Variants in E2F3 observed in about 807,000 individuals in gnomAD.
E2F3 encodes the protein E2F transcription factor 3.
Under a neutral mutation model 44.4 loss-of-function variants are expected in E2F3, and 11 were observed. The ratio of observed to expected loss-of-function variants is 0.25; its 90% CI spans 0.16 to 0.41. E2F3 has a LOEUF of 0.41. Among genes scored for constraint, E2F3 ranks in the 10% least tolerant of loss-of-function variants. The pLI, the probability that E2F3 is intolerant of heterozygous loss-of-function variation, is 1.00. For missense variants in E2F3, 487 were observed against 583.6 expected, an observed-to-expected ratio of 0.83 and a Z score of 1.70; for synonymous variants, 249 against 253.0, an observed-to-expected ratio of 0.98 and a Z score of 0.15.
intron 1 of E2F3, among the ~76,000 whole-genome samples, chr6:20,440,573 G>A (rs1313735838): frequency 6.6e-6 from 1 of 152,186 alleles, no homozygotes; most frequent in Non-Finnish European, 1.5e-5. Context: ...GTAGAAAAAA[G>A]GCTGTTTTTC....
intron 1 of E2F3, among the ~76,000 whole-genome samples, chr6:20,469,964 G>C (rs1761837342): frequency 6.6e-6 from 1 of 152,140 alleles, no homozygotes; most frequent in South Asian, 2.1e-4. Flanking sequence ...GTTGACACTA[G>C]GAGTGCATTT....
intron 1 of E2F3, among the ~76,000 whole-genome samples, chr6:20,429,161 A>T (rs1760314126): frequency 6.6e-6 from 1 of 152,218 alleles, no homozygotes; most frequent in Non-Finnish European, 1.5e-5. Flanking sequence ...TGCCAAGGTT[A>T]ACAAGTCTTG....
intron 1 of E2F3, among the ~76,000 whole-genome samples, chr6:20,422,455 T>C (rs945849809): frequency 6.6e-6 from 1 of 152,258 alleles, no homozygotes; most frequent in African/African-American, 2.4e-5. Context: ...GTACCATGTT[T>C]AATGTCCTTC....
chr6:20,417,601 A>G (rs952127792), intron 1 of E2F3, among the ~76,000 whole-genome samples: 1 of 151,412 alleles, frequency 6.6e-6, no homozygotes, highest in Non-Finnish European at 1.5e-5. Context: ...AAAAAAAAAA[A>G]AAGGCCCAGA....
chr6:20,479,528 C>A (rs1278477985), intron 1 of E2F3, among the ~76,000 whole-genome samples: 1 of 152,236 alleles, frequency 6.6e-6, no homozygotes, highest in African/African-American at 2.4e-5. Context: ...ATATTCTTAG[C>A]ATCCAACCCC....
At chr6:20,453,656 AC>A (rs1255796512) in intron 1 of E2F3, among the ~76,000 whole-genome samples, 1 of 151,966 alleles carries the variant, frequency 6.6e-6, no homozygotes, top group Non-Finnish European at 1.5e-5. Flanking sequence ...GGGCGATCCT[AC>A]CTCCGCCTCC....
intron 1 of E2F3, among the ~76,000 whole-genome samples, chr6:20,441,342 C>G (rs1261152238): frequency 6.6e-6 from 1 of 152,166 alleles, no homozygotes. Context: ...GAATCTCATT[C>G]TTTTTATCTC....
intron 1 of E2F3, among the ~76,000 whole-genome samples, chr6:20,404,994 G>C (rs1311988644): frequency 5.3e-5 from 8 of 152,116 alleles, no homozygotes; most frequent in Non-Finnish European, 1.2e-4. Flanking sequence ...GATTTGCAGG[G>C]GGTAGTTTTG....
rs1026541667 is a variant in E2F3, at chr6:20,420,680, G to A, written c.393+18055G>A. Among the ~76,000 whole-genome samples the A allele has an allele frequency of 2.0e-5, 3 of 152,262 alleles. No individual in the cohort carries two copies. The South Asian group carries it at 6.2e-4, about 32-fold the overall frequency. On this transcript the variant is annotated intron_variant, in intron 1 of 6. Transcript: ENST00000346618. Reference sequence around the variant, plus strand: ...TAAAAATACTATATTGCTACAAAATGCCAACAATCCCCTGAGCCTTCAGCG... The same window carrying A: ...TAAAAATACTATATTGCTACAAAATACCAACAATCCCCTGAGCCTTCAGCG...
chr6:20,414,090 A>G (rs780603465), intron 1 of E2F3, among the ~76,000 whole-genome samples: 29 of 152,200 alleles, frequency 1.9e-4, no homozygotes, highest in Middle Eastern at 3.2e-3. Context: ...ACTTTGGCAT[A>G]GAGGTTATAG....
chr6:20,432,578 G>C (rs1760444485), intron 1 of E2F3, among the ~76,000 whole-genome samples: 1 of 152,230 alleles, frequency 6.6e-6, no homozygotes, highest in Non-Finnish European at 1.5e-5. Context: ...GTGGTCGGAT[G>C]ATTACAGCTG....
At chr6:20,477,913 C>T (rs1243631020) in intron 1 of E2F3, among the ~76,000 whole-genome samples, 3 of 151,952 alleles carry the variant, frequency 2.0e-5, no homozygotes, top group African/African-American at 4.8e-5. Flanking sequence ...CACTCATGGC[C>T]GGGTGCAGTG....
intron 1 of E2F3, among the ~76,000 whole-genome samples, chr6:20,410,984 G>A (rs1384503924): frequency 1.3e-5 from 2 of 152,184 alleles, no homozygotes; most frequent in Non-Finnish European, 2.9e-5. Flanking sequence ...TCTAAAAATG[G>A]TGATGATGGG....
At position 20,482,597 on chromosome 6, in the gene E2F3, A is replaced by T. The variant is rs974233782; in HGVS notation, c.726-165A>T. Reference sequence around the variant, plus strand: ...GTGCAGAACTGTATTTATGAAAAAAAAAATATATATATATATATATATATG... The same window carrying T: ...GTGCAGAACTGTATTTATGAAAAAATAAATATATATATATATATATATATG... On this transcript the variant is annotated intron_variant, in intron 3 of 6. Coordinates refer to ENST00000346618, the MANE Select transcript of E2F3 (RefSeq NM_001949.5). 7.6e-3 allele frequency among the ~76,000 whole-genome samples: 903 copies of T among 119,010 alleles called. 19 individuals are homozygous for T. In the East Asian group the frequency reaches 0.097, roughly 13 times the overall value. 78.1% of individuals were successfully genotyped at this position (119,010 alleles called of 152,430 possible). A position where few individuals can be genotyped will look rare whatever the true frequency, so the allele number is the denominator to read the frequency against.
intron 3 of E2F3, 44 bp from the exon 4 acceptor site, chr6:20,482,718 C>T (rs371189073): frequency 2.0e-5 from 30 of 1,525,386 alleles, no homozygotes; most frequent in African/African-American, 1.9e-4. Context: ...TCCTTCCCCT[C>T]CCTCCCATGA....
intron 1 of E2F3, among the ~76,000 whole-genome samples, chr6:20,412,729 A>G (rs1462794738): frequency 6.6e-6 from 1 of 152,198 alleles, no homozygotes; most frequent in African/African-American, 2.4e-5. Context: ...AGGGGATGGC[A>G]GGCCTTGTGT....
chr6:20,480,110 A>G (rs961650158), intron 2 of E2F3, 153 bp downstream of exon 2: 2 of 971,228 alleles, frequency 2.1e-6, no homozygotes, highest in Non-Finnish European at 2.4e-6. Context: ...AATAAATACA[A>G]TGTCAGCAGA....
intron 1 of E2F3, among the ~76,000 whole-genome samples, chr6:20,433,302 A>T (rs1418811472): frequency 6.6e-6 from 1 of 152,214 alleles, no homozygotes; most frequent in East Asian, 1.9e-4. Context: ...GCATTATGCT[A>T]GTTAGATCCC....
chr6:20,447,310 AG>A (rs943610041), intron 1 of E2F3, among the ~76,000 whole-genome samples: 8 of 151,976 alleles, frequency 5.3e-5, no homozygotes, highest in Non-Finnish European at 1.2e-4. Context: ...CTACGTTATT[AG>A]TGGGATGTGT....
Sources: allele counts gnomAD v4.1 joint callset (sites outside exome capture counted in the v4.1 genomes callset), GRCh38; gene constraint gnomAD v4.1.1; transcripts MANE v1.5; gene names NCBI Gene and HGNC (gene_info 2026-07-23, HGNC 2026-07-21).